Variants in THEMIS observed in about 807,000 individuals in gnomAD.
The protein encoded by THEMIS is protein THEMIS.
Under a neutral mutation model 52.6 loss-of-function variants are expected in THEMIS, and 37 were observed. The ratio of observed to expected loss-of-function variants is 0.70; its 90% CI spans 0.54 to 0.93. The LOEUF (loss-of-function observed/expected upper bound fraction) is 0.93. Ranked by LOEUF, THEMIS falls within the 40% of genes least tolerant of loss-of-function variation. THEMIS has a pLI of 0.00. For synonymous variants in THEMIS, 292 were observed against 272.7 expected (o/e 1.07, Z -0.70); for missense variants, 808 against 763.1 (o/e 1.06, Z -0.69).
chr6:127,860,335 G>A (rs1025664649), intron 1 of THEMIS, among the ~76,000 whole-genome samples: 11 of 152,242 alleles, frequency 7.2e-5, no homozygotes, highest in Admixed American at 6.5e-4. Context: ...ACTAGATATA[G>A]CACTAAAGGT....
intron 1 of THEMIS, among the ~76,000 whole-genome samples, chr6:127,907,994 C>T (rs780861936): frequency 1.8e-4 from 27 of 151,974 alleles, no homozygotes; most frequent in Non-Finnish European, 3.2e-4. Context: ...TCCTACTATA[C>T]ACAACAATTT....
chr6:127,889,705 T>C (rs1284607385), intron 1 of THEMIS, among the ~76,000 whole-genome samples: 1 of 146,102 alleles, frequency 6.8e-6, no homozygotes, highest in Non-Finnish European at 1.6e-5. Context: ...CTGCATCGGA[T>C]AGTCATATGA....
chr6:127,851,696 G>A (rs1315462985), intron 2 of THEMIS, among the ~76,000 whole-genome samples: 3 of 151,720 alleles, frequency 2.0e-5, no homozygotes, highest in African/African-American at 7.2e-5. Context: ...AAAGCAAAAT[G>A]CTGGTGAGGA....
At chr6:127,736,716 G>A in intron 4 of THEMIS, among the ~76,000 whole-genome samples, 1 of 151,770 alleles carries the variant, frequency 6.6e-6, no homozygotes, top group East Asian at 1.9e-4. Flanking sequence ...TTCATTATTT[G>A]CCATTTAATT....
At chr6:127,881,933 A>C (rs141174888) in intron 1 of THEMIS, among the ~76,000 whole-genome samples, 1 of 151,150 alleles carries the variant, frequency 6.6e-6, no homozygotes, top group East Asian at 1.9e-4. Context: ...GACTTCTACT[A>C]TATATTCCTT....
At chr6:127,704,085 G>A (rs560735252), downstream of THEMIS, among the ~76,000 whole-genome samples, 1 of 152,054 alleles carries the variant, frequency 6.6e-6, no homozygotes, top group African/African-American at 2.4e-5. Context: ...TTCTTAAAAG[G>A]CCCGTCTTTT....
intron 4 of THEMIS, among the ~76,000 whole-genome samples, chr6:127,806,143 G>A (rs771662254): frequency 2.0e-5 from 3 of 151,966 alleles, no homozygotes; most frequent in African/African-American, 7.2e-5. Context: ...TCATTTTTCT[G>A]TTATTGCTAT....
intron 5 of THEMIS, among the ~76,000 whole-genome samples, chr6:127,714,102 G>C (rs576686465): frequency 6.6e-6 from 1 of 151,988 alleles, no homozygotes; most frequent in East Asian, 1.9e-4. Context: ...TGTGATAAGT[G>C]AGAAGAAATG....
intron 1 of THEMIS, among the ~76,000 whole-genome samples, chr6:127,889,390 A>T (rs1234895111): frequency 2.6e-5 from 4 of 152,266 alleles, no homozygotes; most frequent in South Asian, 2.1e-4. Flanking sequence ...TAAAGAACTG[A>T]AGAGGACAAG....
upstream of THEMIS, chr6:127,901,198 G>A: frequency 2.0e-6 from 1 of 512,168 alleles, no homozygotes; most frequent in Non-Finnish European, 3.5e-6. Flanking sequence ...AACAGGATGG[G>A]GGTGGGGTGA....
chr6:127,915,124 C>A (rs921675432), intron 1 of THEMIS, among the ~76,000 whole-genome samples: 2 of 152,006 alleles, frequency 1.3e-5, no homozygotes, highest in Non-Finnish European at 2.9e-5. Context: ...TTAGAAGAAC[C>A]ACAGAAAACA....
At chr6:127,857,879 G>A (rs1186768311) in intron 1 of THEMIS, among the ~76,000 whole-genome samples, 3 of 152,022 alleles carry the variant, frequency 2.0e-5, no homozygotes, top group Non-Finnish European at 4.4e-5. Context: ...AGAAAGCACT[G>A]GGCATCATTG....
At chr6:127,892,415 C>A (rs1780839638) in intron 1 of THEMIS, among the ~76,000 whole-genome samples, 1 of 152,160 alleles carries the variant, frequency 6.6e-6, no homozygotes, top group South Asian at 2.1e-4. Context: ...CTTTACTCTC[C>A]AGTCAGTGCT....
At chr6:127,857,904 A>G (rs1295988370) in intron 1 of THEMIS, among the ~76,000 whole-genome samples, 5 of 152,098 alleles carry the variant, frequency 3.3e-5, no homozygotes, top group Non-Finnish European at 7.4e-5. Flanking sequence ...AGAGGATGTT[A>G]TAAGTGGAGA....
chr6:127,829,769 T>C lies in THEMIS; in HGVS notation c.416A>G (p.Asn139Ser). The change falls in exon 3 of 6, where the codon AAC becomes AGC. Residue 139 changes from asparagine (N) to serine (S), a missense_variant. By Grantham distance (46) the Asn-to-Ser change is conservative. Transcript: ENST00000368248. ...TTCTCCATCAATCTCTTCAACTGAG[T>C]TGAGCATGATTTGCTCACCCTGCTT... ...IIKQGEQIMLNSVEEIDGEIM... is the reference protein window; with the variant it reads ...IIKQGEQIMLSSVEEIDGEIM... 2 of 1,614,124 alleles carry C rather than the reference T, an allele frequency of 1.2e-6. No homozygotes were observed. The highest frequency in any genetic ancestry group is 1.7e-6 in the Non-Finnish European group (2 of 1,180,014).
rs1009823078 is a variant in THEMIS at position 127,831,240 on chromosome 6, A to T, written c.251-1306T>A. 3.9e-5 allele frequency among the ~76,000 whole-genome samples: 6 copies of T among 152,218 alleles called. 1 individual carries two copies. In the East Asian group the frequency reaches 5.8e-4, roughly 15 times the overall value. ...TAAAATTTTACTACTTAAGATACAGATTTTTGTACATTGTATGTCTAAGTG... is the reference window on the plus strand; with the variant it reads ...TAAAATTTTACTACTTAAGATACAGTTTTTTGTACATTGTATGTCTAAGTG... On this transcript the variant is annotated intron_variant, in intron 2 of 5. Coordinates refer to ENST00000368248, the MANE Select transcript of THEMIS (RefSeq NM_001010923.3).
At chr6:127,783,628 T>C (rs751541957) in intron 4 of THEMIS, among the ~76,000 whole-genome samples, 1 of 152,256 alleles carries the variant, frequency 6.6e-6, no homozygotes, top group East Asian at 1.9e-4. Flanking sequence ...AAAAAACATA[T>C]GAACAAAAGC....
At chr6:127,787,470 C>T (rs1776990908) in intron 4 of THEMIS, among the ~76,000 whole-genome samples, 1 of 152,164 alleles carries the variant, frequency 6.6e-6, no homozygotes, top group Non-Finnish European at 1.5e-5. Context: ...ATGGCATCAC[C>T]TTATCTTGAT....
chr6:127,719,657 TG>T (rs1223561966), intron 5 of THEMIS, 30 bp downstream of exon 5: 1 of 1,567,460 alleles, frequency 6.4e-7, no homozygotes, highest in Non-Finnish European at 8.6e-7. Flanking sequence ...TAAACCACCG[TG>T]GTTTAACTGA....
Sources: allele counts gnomAD v4.1 joint callset (sites outside exome capture counted in the v4.1 genomes callset), GRCh38; gene constraint gnomAD v4.1.1; transcripts MANE v1.5; gene names NCBI Gene and HGNC (gene_info 2026-07-23, HGNC 2026-07-21).